Variants in USP3 observed in about 807,000 individuals in gnomAD.
The protein encoded by USP3 is ubiquitin carboxyl-terminal hydrolase 3.
In USP3, 20 loss-of-function variants were observed where a neutral mutation model predicts 72.3. The ratio of observed to expected loss-of-function variants is 0.28; its 90% CI spans 0.19 to 0.40. The LOEUF is 0.40. Ranked by LOEUF, USP3 falls within the 10% of genes least tolerant of loss-of-function variation. The probability of loss-of-function intolerance (pLI) is 1.00; values close to 1 mark genes in which losing one functional copy is unlikely to be tolerated. For missense variants in USP3, 479 were observed against 633.9 expected (o/e 0.76, Z 2.62); for synonymous variants, 222 against 225.3 (o/e 0.99, Z 0.13).
At chr15:63,510,105 G>A (rs1368411086) in intron 1 of USP3, among the ~76,000 whole-genome samples, 1 of 152,150 alleles carries the variant, frequency 6.6e-6, no homozygotes, top group Non-Finnish European at 1.5e-5. Context: ...TCATTGAAAT[G>A]TATGTAATTT....
At chr15:63,530,276 TCCCTCCC>T (rs1193377614) in intron 1 of USP3, among the ~76,000 whole-genome samples, 3 of 131,932 alleles carry the variant, frequency 2.3e-5, no homozygotes, top group Non-Finnish European at 4.8e-5. Flanking sequence ...CCTGCCTCCC[TCCCTCCC>T]TCCTTCCCTC....
At chr15:63,560,168 C>T (rs558374227) in intron 7 of USP3, among the ~76,000 whole-genome samples, 198 bp downstream of exon 7, 1 of 152,172 alleles carries the variant, frequency 6.6e-6, no homozygotes, top group Non-Finnish European at 1.5e-5. Context: ...GCCTGTTATC[C>T]CAGCACTTTG....
chr15:63,562,101 C>T (rs1285020845), intron 7 of USP3, among the ~76,000 whole-genome samples: 2 of 152,182 alleles, frequency 1.3e-5, no homozygotes, highest in African/African-American at 2.4e-5. Flanking sequence ...CCCCATGGTG[C>T]TGGGGCTCCC....
rs1365473972 is a variant in USP3, at chr15:63,593,240, C to G, written c.*2414C>G. The G allele has an allele frequency of 6.6e-6, 1 of 152,228 alleles. No homozygotes were observed. Among genetic ancestry groups the G allele is most frequent in the Admixed American group, 6.5e-5 (1 of 15,288 alleles). 9.4% of individuals were successfully genotyped at this position (152,228 alleles called of 1,614,324 possible). A position where few individuals can be genotyped will look rare whatever the true frequency, so the allele number is the denominator to read the frequency against. ...ACCCTGCTATTTGATGAGTTCTGATCTACAAAAATGACAGCTCCACCTGAT... is the reference window on the plus strand; with the variant it reads ...ACCCTGCTATTTGATGAGTTCTGATGTACAAAAATGACAGCTCCACCTGAT... On this transcript the variant is annotated 3_prime_UTR_variant, in exon 15 of 15. Transcript: ENST00000380324.
At chr15:63,511,953 CTTTTTTT>C (rs58146448) in intron 1 of USP3, among the ~76,000 whole-genome samples, 5 of 112,274 alleles carry the variant, frequency 4.5e-5, no homozygotes, top group African/African-American at 1.7e-4. Flanking sequence ...AACTGCAGAT[CTTTTTTT>C]TTTTTTTTTT....
At chr15:63,556,370 C>T (rs975040624) in intron 4 of USP3, 8 of 254,116 alleles carry the variant, frequency 3.1e-5, no homozygotes, top group African/African-American at 6.6e-5. Context: ...TGTGAAGCTT[C>T]GCAGTCAGTC....
intron 9 of USP3, among the ~76,000 whole-genome samples, chr15:63,572,008 G>A (rs1230665391): frequency 2.0e-5 from 3 of 152,194 alleles, no homozygotes; most frequent in Non-Finnish European, 4.4e-5. Context: ...GGTGAGGACG[G>A]TGGTATGGAA....
chr15:63,589,138 T>C, intron 14 of USP3, 127 bp downstream of exon 14: 4 of 1,133,882 alleles, frequency 3.5e-6, no homozygotes, highest in Non-Finnish European at 5.2e-6. Context: ...TGAAATTTCC[T>C]TCAGTTTTGG....
chr15:63,568,378 G>A (rs369041750), intron 8 of USP3, among the ~76,000 whole-genome samples: 94 of 150,574 alleles, frequency 6.2e-4, no homozygotes, highest in African/African-American at 2.1e-3. Context: ...AAAAATTGGA[G>A]CCAGTTATTT....
intron 11 of USP3, among the ~76,000 whole-genome samples, chr15:63,585,307 T>C (rs748911597): frequency 1.1e-4 from 17 of 152,308 alleles, no homozygotes; most frequent in Non-Finnish European, 2.4e-4. Flanking sequence ...ATCTGTAGAT[T>C]GCTTTGGGTA....
At chr15:63,590,130 G>A (rs2067163302) in intron 14 of USP3, among the ~76,000 whole-genome samples, 1 of 152,124 alleles carries the variant, frequency 6.6e-6, no homozygotes, top group South Asian at 2.1e-4. Flanking sequence ...GGTTTTGGTG[G>A]TTTATTTGGA....
Position 63,590,919 on chromosome 15 carries a change from C to CTTTTCAATTTCCTATTTTGGATTTAGTT in USP3, c.*96_*123dup. The stretch of plus-strand genomic sequence containing the variant: ...ATACAAGATTTAATTTCATTATGCA[C>CTTTTCAATTTCCTATTTTGGATTTAGTT]TTTTCAATTTCCTATTTTGGATTTA... On this transcript the variant is annotated 3_prime_UTR_variant, in exon 15 of 15. Transcript: ENST00000380324. 1 of 1,399,864 alleles carries CTTTTCAATTTCCTATTTTGGATTTAGTT rather than the reference C, an allele frequency of 7.1e-7. No individual in the cohort carries two copies. The allele number at this position is 1,399,864 out of a possible 1,614,324, so 86.7% of individuals were successfully genotyped here. A position where few individuals can be genotyped will look rare whatever the true frequency, so the allele number is the denominator to read the frequency against.
rs764030747 is a variant in USP3, at chr15:63,570,399, C to T, written c.762-34C>T. The T allele has an allele frequency of 6.2e-7, 1 of 1,612,606 alleles. No individual in the cohort carries two copies. The highest frequency in any genetic ancestry group is 8.5e-7 in the Non-Finnish European group (1 of 1,179,836). On this transcript the variant is annotated intron_variant, in intron 8 of 14. Transcript: ENST00000380324. The surrounding 1 kb of genome is among the most constrained non-coding windows in gnomAD (Gnocchi z 4.4). ...GTGGCTGGGCACAAAGAGCCCTCCA[C>T]CCGGCCTTATAAGTGACTGTTTGTT... is the stretch of plus-strand genomic sequence containing the variant.
At position 63,527,405 on chromosome 15, in the gene USP3, G is replaced by A. The variant is rs1212656380; in HGVS notation, c.92-5242G>A. Among the ~76,000 whole-genome samples, 5 of 152,214 alleles carry A rather than the reference G, an allele frequency of 3.3e-5. 1 individual carries two copies. Among genetic ancestry groups the A allele is most frequent in the Admixed American group, 2.0e-4 (3 of 15,286 alleles). On this transcript the variant is annotated intron_variant, in intron 1 of 14. Coordinates refer to ENST00000380324, the MANE Select transcript of USP3 (RefSeq NM_006537.4). ...GCCTTCTCTCCCAGTTGAAACAGCT[G>A]TGAATAATGGATGCACTATAAATGG... is the stretch of plus-strand genomic sequence containing the variant.
chr15:63,579,200 A>G (rs2066913665), intron 11 of USP3, among the ~76,000 whole-genome samples: 1 of 152,236 alleles, frequency 6.6e-6, no homozygotes. Context: ...AAAGAGCCAC[A>G]TCATATTCTT....
intron 14 of USP3, 72 bp downstream of exon 14, chr15:63,589,083 C>A: frequency 6.5e-7 from 1 of 1,530,676 alleles, no homozygotes; most frequent in Non-Finnish European, 9.0e-7. Flanking sequence ...AGTTTTGTAC[C>A]ACTCTTGCTA....
Position 63,558,206 on chromosome 15 carries a change from G to A in USP3, c.533+18G>A, listed in dbSNP as rs1173509862. ...TCACTCAGGTAACGCTACAGTCAGAGCTTAAGTGTCTGACATTAAAGGTTA... is the reference window on the plus strand; with the variant it reads ...TCACTCAGGTAACGCTACAGTCAGAACTTAAGTGTCTGACATTAAAGGTTA... On this transcript the variant is annotated intron_variant, in intron 6 of 14. Coordinates refer to ENST00000380324, the MANE Select transcript of USP3 (RefSeq NM_006537.4). 3 of 1,613,156 alleles carry A rather than the reference G, an allele frequency of 1.9e-6. No homozygotes were observed. The highest frequency in any genetic ancestry group is 1.1e-5 in the South Asian group (1 of 91,060).
chr15:63,537,295 G>T, intron 3 of USP3, 139 bp downstream of exon 3: 2 of 1,019,384 alleles, frequency 2.0e-6, no homozygotes, highest in South Asian at 5.2e-5. Flanking sequence ...GAGGACTGGA[G>T]CCATTGGGAA....
intron 1 of USP3, among the ~76,000 whole-genome samples, chr15:63,518,828 T>G (rs2065882934): frequency 6.6e-6 from 1 of 151,980 alleles, no homozygotes; most frequent in African/African-American, 2.4e-5. Flanking sequence ...TGCAGTGGCG[T>G]GATCTCGGCT....
Sources: gnomAD v4.1 joint callset for allele counts (sites outside exome capture counted in the v4.1 genomes callset) on GRCh38, gnomAD v4.1.1 for gene constraint, Gnocchi (gnomAD v3.1) non-coding constraint, MANE v1.5 for transcripts, NCBI Gene and HGNC (gene_info 2026-07-23, HGNC 2026-07-21) for gene names.